NLGN1: variants seen among roughly 807,000 people sequenced by gnomAD.
NLGN1 encodes the protein neuroligin 1, also known as neuroligin-1.
NLGN1 carries 12 observed loss-of-function variants against 65.5 expected under a neutral mutation model. That is an observed-to-expected ratio of 0.18 (90% CI 0.12 to 0.30). The LOEUF (loss-of-function observed/expected upper bound fraction) is 0.30. Ranked by LOEUF, NLGN1 falls within the 10% of genes least tolerant of loss-of-function variation. NLGN1 has a pLI of 1.00. For missense variants in NLGN1, 750 were observed against 1,007.1 expected (o/e 0.74, Z 3.46); for synonymous variants, 350 against 359.5 (o/e 0.97, Z 0.30).
In NLGN1 at chr3:173,654,197, CT is replaced by C. The variant is rs78828598; in HGVS notation, c.493+49109del. ...TAAAACTGGATGGATAATTTTTAAA[CT>C]TTCCGCTTTGCACTAAGTTGTCATC... is the stretch of plus-strand genomic sequence containing the variant. On this transcript the variant is annotated intron_variant, in intron 3 of 6. Coordinates refer to ENST00000457714, the Ensembl canonical transcript of NLGN1. Among the ~76,000 whole-genome samples, 1,014 of 152,212 alleles carry C rather than the reference CT, an allele frequency of 6.7e-3. 43 individuals are homozygous for C. The highest frequency in any genetic ancestry group is 0.054 in the Admixed American group (820 of 15,284).
At chr3:173,619,771 T>C (rs1753692064) in intron 3 of NLGN1, among the ~76,000 whole-genome samples, 2 of 152,162 alleles carry the variant, frequency 1.3e-5, no homozygotes, top group Admixed American at 1.3e-4. Flanking sequence ...TTAGAGATGC[T>C]ATGGGAAATA....
At chr3:173,847,384 T>C (rs993961218) in intron 4 of NLGN1, among the ~76,000 whole-genome samples, 1 of 152,142 alleles carries the variant, frequency 6.6e-6, no homozygotes, top group Non-Finnish European at 1.5e-5. Flanking sequence ...TTTTATATTA[T>C]TTACCAAATG....
chr3:173,912,767 G>A (rs1361712055), intron 4 of NLGN1: 1 of 151,972 alleles, frequency 6.6e-6, no homozygotes, highest in Non-Finnish European at 1.5e-5. Context: ...ATTACAAAAA[G>A]CACAAGTAAA....
chr3:174,172,412 C>T (rs974144260), intron 4 of NLGN1, among the ~76,000 whole-genome samples: 8 of 151,950 alleles, frequency 5.3e-5, no homozygotes, highest in African/African-American at 1.9e-4. Context: ...ATTTTTTGTA[C>T]CCACTAACCA....
intron 3 of NLGN1, among the ~76,000 whole-genome samples, chr3:173,725,780 G>T (rs958513687): frequency 6.6e-6 from 1 of 152,092 alleles, no homozygotes. Flanking sequence ...CTTGACGGGG[G>T]AAAGATCCAC....
intron 4 of NLGN1, among the ~76,000 whole-genome samples, chr3:174,243,207 A>G (rs1224008119): frequency 2.6e-5 from 4 of 152,240 alleles, no homozygotes; most frequent in African/African-American, 9.6e-5. Context: ...AAAAGAAAGT[A>G]TGCCCTTTGC....
chr3:174,088,606 A>G (rs1274566051), intron 4 of NLGN1, among the ~76,000 whole-genome samples: 2 of 151,630 alleles, frequency 1.3e-5, no homozygotes, highest in Admixed American at 6.6e-5. Context: ...TACAAAAATT[A>G]GCCGGGCGCG....
intron 4 of NLGN1, among the ~76,000 whole-genome samples, chr3:173,820,852 T>G (rs749411282): frequency 2.0e-5 from 3 of 152,196 alleles, no homozygotes; most frequent in African/African-American, 4.8e-5. Flanking sequence ...CTTTGGAACC[T>G]GTAACTTTTT....
chr3:174,058,346 G>T (rs1274556555), intron 4 of NLGN1, among the ~76,000 whole-genome samples: 1 of 152,080 alleles, frequency 6.6e-6, no homozygotes, highest in African/African-American at 2.4e-5. Context: ...TTATACTGGA[G>T]AGTACCTGAT....
chr3:173,716,690 T>G (rs1769906253), intron 3 of NLGN1, among the ~76,000 whole-genome samples: 1 of 152,156 alleles, frequency 6.6e-6, no homozygotes, highest in South Asian at 2.1e-4. Context: ...TTATAATGAG[T>G]TTTAGTGTTG....
In NLGN1 at chr3:174,000,020, T is replaced by C. The variant is rs561896975; in HGVS notation, c.646+192188T>C. On this transcript the variant is annotated intron_variant, in intron 4 of 6. Coordinates refer to ENST00000457714, the Ensembl canonical transcript of NLGN1. ...TTGCAAAGCCCATCAAAGCAAAGAA[T>C]CATAATAAGGAGTTACGTGGTGGAT... 2.4e-4 allele frequency among the ~76,000 whole-genome samples: 36 copies of C among 152,228 alleles called. 1 individual carries two copies. In the South Asian group the frequency reaches 7.5e-3, roughly 32 times the overall value.
chr3:174,014,192 T>TA (rs1415225138), intron 4 of NLGN1, among the ~76,000 whole-genome samples: 2 of 152,052 alleles, frequency 1.3e-5, no homozygotes, highest in Non-Finnish European at 2.9e-5. Flanking sequence ...GTGAAACATA[T>TA]AAAAAGAAAA....
intron 2 of NLGN1, among the ~76,000 whole-genome samples, chr3:173,528,811 A>G (rs575992355): frequency 3.2e-4 from 48 of 152,226 alleles, no homozygotes; most frequent in African/African-American, 1.0e-3. Flanking sequence ...TTTTGTTTTT[A>G]AGACATCTAT....
chr3:173,812,303 T>C (rs181614901), intron 4 of NLGN1, among the ~76,000 whole-genome samples: 21 of 152,352 alleles, frequency 1.4e-4, no homozygotes, highest in Admixed American at 1.4e-3. Context: ...CTTCACTGCA[T>C]ATACATTTAA....
intron 4 of NLGN1, among the ~76,000 whole-genome samples, chr3:174,212,783 A>G (rs1260204184): frequency 1.3e-5 from 2 of 152,244 alleles, no homozygotes; most frequent in African/African-American, 2.4e-5. Context: ...AAAATGAGGC[A>G]TCAACAGAGA....
intron 4 of NLGN1, among the ~76,000 whole-genome samples, chr3:173,887,359 A>G (rs1226728090): frequency 6.6e-6 from 1 of 152,018 alleles, no homozygotes; most frequent in Non-Finnish European, 1.5e-5. Context: ...TCACTTTTGT[A>G]GCTAACAACT....
Position 173,833,625 on chromosome 3 carries a change from C to T in NLGN1, c.646+25793C>T, listed in dbSNP as rs145382531. Among the ~76,000 whole-genome samples the T allele has an allele frequency of 2.8e-3, 423 of 152,064 alleles. 2 individuals are homozygous for T. The highest frequency in any genetic ancestry group is 9.3e-3 in the African/African-American group (386 of 41,470). On this transcript the variant is annotated intron_variant, in intron 4 of 6. Coordinates refer to ENST00000457714, the Ensembl canonical transcript of NLGN1. ...GCCTCAACTTCCAGGCCACAAGTGA[C>T]TCTCCCACCTCAGCCCCCCAGTGGC...
intron 3 of NLGN1, among the ~76,000 whole-genome samples, chr3:173,700,953 G>A (rs1236966362): frequency 2.0e-5 from 3 of 152,048 alleles, no homozygotes; most frequent in African/African-American, 7.2e-5. Flanking sequence ...GTGAAACCCT[G>A]TCTCTACTAA....
chr3:173,751,157 A>G (rs1485728210), intron 3 of NLGN1, among the ~76,000 whole-genome samples: 1 of 152,056 alleles, frequency 6.6e-6, no homozygotes, highest in African/African-American at 2.4e-5. Context: ...GGGTCACCTG[A>G]GTAGGCGCAC....
Sources: gnomAD v4.1 joint callset for allele counts (sites outside exome capture counted in the v4.1 genomes callset) on GRCh38, gnomAD v4.1.1 for gene constraint, MANE v1.5 for transcripts, NCBI Gene and HGNC (gene_info 2026-07-23, HGNC 2026-07-21) for gene names.